Variants in ANK2 observed in about 807,000 individuals in gnomAD.
The protein encoded by ANK2 is ankyrin 2, also known as ankyrin-2.
A neutral mutation model predicts 360.5 loss-of-function variants in ANK2; 83 were observed. The ratio of observed to expected loss-of-function variants is 0.23; its 90% confidence interval spans 0.19 to 0.28. ANK2 has a LOEUF of 0.28. ANK2 is among the 10% of genes least tolerant of loss of function. ANK2 has a pLI of 1.00. For synonymous variants in ANK2, 1,740 were observed against 1,759.5 expected (o/e 0.99, Z 0.28); for missense variants, 4,201 against 4,795.7 (o/e 0.88, Z 3.66).
At chr4:113,224,383 A>G (rs2099189432) in intron 4 of ANK2, among the ~76,000 whole-genome samples, 1 of 152,230 alleles carries the variant, frequency 6.6e-6, no homozygotes, top group Non-Finnish European at 1.5e-5. Flanking sequence ...AGTAACACTT[A>G]TGTCGAGGCC....
intron 2 of ANK2, among the ~76,000 whole-genome samples, chr4:113,017,664 A>C (rs1228031221): frequency 2.0e-5 from 3 of 152,186 alleles, no homozygotes; most frequent in Admixed American, 2.0e-4. Context: ...AATTTTGTAT[A>C]GATTTTTGAT....
intron 5 of ANK2, among the ~76,000 whole-genome samples, chr4:113,233,802 T>G (rs2099349564): frequency 2.0e-5 from 3 of 152,152 alleles, no homozygotes; most frequent in African/African-American, 7.2e-5. Context: ...CTACCCAGTA[T>G]GAAATGTTTT....
chr4:112,812,488 C>T, the ANK2 span, among the ~76,000 whole-genome samples: 1 of 152,108 alleles, frequency 6.6e-6, no homozygotes, highest in African/African-American at 2.4e-5. Flanking sequence ...ACATAAGAGG[C>T]ACGCAGAGAT....
intron 4 of ANK2, among the ~76,000 whole-genome samples, chr4:113,202,488 TC>T (rs1357168749): frequency 2.6e-5 from 4 of 152,172 alleles, no homozygotes; most frequent in African/African-American, 9.7e-5. Flanking sequence ...TCCACATCTT[TC>T]TAAGAACATA....
chr4:112,826,268 A>G, intron 1 of ANK2: 1 of 502,162 alleles, frequency 2.0e-6, no homozygotes, highest in Non-Finnish European at 3.5e-6. Context: ...TGTTGTTACT[A>G]TTTTGACTAT....
intron 4 of ANK2, among the ~76,000 whole-genome samples, chr4:113,216,191 A>G (rs1436657569): frequency 6.6e-6 from 1 of 152,202 alleles, no homozygotes. Flanking sequence ...AATGACTAAA[A>G]CAGTATAAAT....
chr4:113,145,470 A>G (rs142159012), intron 1 of ANK2, among the ~76,000 whole-genome samples: 155 of 152,294 alleles, frequency 1.0e-3, no homozygotes, highest in Middle Eastern at 3.4e-3. Context: ...ATGTAGAGAC[A>G]TTTTACCCAG....
chr4:113,153,503 C>A (rs1425401335), intron 1 of ANK2, among the ~76,000 whole-genome samples: 1 of 152,082 alleles, frequency 6.6e-6, no homozygotes, highest in East Asian at 1.9e-4. Flanking sequence ...AGACATTTAA[C>A]AATTTTATAT....
At chr4:112,788,193 C>T in the ANK2 span, 7 of 1,587,220 alleles carry the variant, frequency 4.4e-6, no homozygotes, top group African/African-American at 1.3e-5. Flanking sequence ...CAGATCTCAT[C>T]GTATCTGTCA....
At chr4:112,798,409 T>A in the ANK2 span, 1 of 152,300 alleles carries the variant, frequency 6.6e-6, no homozygotes, top group Non-Finnish European at 1.5e-5. Flanking sequence ...TGCCTCAGCC[T>A]CCTGAGTAGC....
At position 113,367,819 on chromosome 4, in the gene ANK2, A is replaced by G; in HGVS notation, c.11286A>G (p.Glu3762=). Residue 3762 remains glutamate, a synonymous_variant, in exon 42 of 46, where the codon GAA becomes GAG. Coordinates refer to ENST00000357077, the MANE Select transcript of ANK2 (RefSeq NM_001148.6). ...CAGGGAAAATGCAAGACCTGCCTGA[A>G]GAGTCATCTCTGGAATATCAGCAGG... The part of the protein sequence containing the change: ...DFSGKMQDLP[E]ESSLEYQQEY... The G allele has an allele frequency of 6.2e-7, 1 of 1,614,178 alleles. No homozygotes were observed. Among genetic ancestry groups the G allele is most frequent in the Non-Finnish European group, 8.5e-7 (1 of 1,179,990 alleles).
intron 24 of ANK2, among the ~76,000 whole-genome samples, chr4:113,311,917 G>A (rs1345358504): frequency 3.3e-5 from 5 of 152,100 alleles, no homozygotes; most frequent in East Asian, 3.8e-4. Flanking sequence ...AGAATCCCAC[G>A]AGAGCCTGGA....
intron 14 of ANK2, among the ~76,000 whole-genome samples, chr4:113,271,497 C>CACAT (rs1389444625): frequency 2.0e-5 from 3 of 151,956 alleles, no homozygotes; most frequent in African/African-American, 7.3e-5. Flanking sequence ...CACACACACA[C>CACAT]ACACACTTTT....
chr4:113,278,434 C>T, intron 16 of ANK2, 26 bp from the exon 17 acceptor site: 1 of 1,607,278 alleles, frequency 6.2e-7, no homozygotes, highest in Non-Finnish European at 8.5e-7. Context: ...TTTATTAATG[C>T]TGAAACTTAA....
chr4:112,736,603 C>T, the ANK2 span, among the ~76,000 whole-genome samples: 9 of 152,160 alleles, frequency 5.9e-5, no homozygotes, highest in Middle Eastern at 3.2e-3. Flanking sequence ...TTCCCCTTCA[C>T]AATGGCAGAT....
chr4:113,328,025 G>A (rs1421874055), intron 26 of ANK2, among the ~76,000 whole-genome samples: 1 of 152,144 alleles, frequency 6.6e-6, no homozygotes, highest in Non-Finnish European at 1.5e-5. Flanking sequence ...TGGGCCACCA[G>A]AAGATACTCT....
At chr4:112,752,438 G>T in the ANK2 span, among the ~76,000 whole-genome samples, 2 of 152,060 alleles carry the variant, frequency 1.3e-5, no homozygotes, top group Non-Finnish European at 2.9e-5. Flanking sequence ...TAGAGACAGG[G>T]TCTCTCTCTG....
intron 2 of ANK2, among the ~76,000 whole-genome samples, chr4:112,957,898 G>C (rs1213206134): frequency 6.7e-6 from 1 of 150,238 alleles, no homozygotes; most frequent in African/African-American, 2.5e-5. Context: ...GGGCAGAGAT[G>C]CTCCTCACCT....
intron 1 of ANK2, among the ~76,000 whole-genome samples, chr4:112,900,774 A>G (rs1265171617): frequency 6.6e-6 from 1 of 152,116 alleles, no homozygotes; most frequent in Admixed American, 6.5e-5. Flanking sequence ...TGTGAAGATT[A>G]CCCTCCACCA....
Sources: allele counts gnomAD v4.1 joint callset (sites outside exome capture counted in the v4.1 genomes callset), GRCh38; gene constraint gnomAD v4.1.1; transcripts MANE v1.5; gene names NCBI Gene and HGNC (gene_info 2026-07-23, HGNC 2026-07-21).